The following STX8 variants were observed in gnomAD, a reference collection of about 807,000 sequenced individuals.
STX8 encodes the protein syntaxin 8, also known as syntaxin-8.
STX8 carries 23 observed loss-of-function variants against 37.5 expected under a neutral mutation model. That is an observed-to-expected ratio of 0.61 (90% CI 0.44 to 0.87). The LOEUF (loss-of-function observed/expected upper bound fraction) is 0.87. Among genes scored for constraint, STX8 ranks in the 40% least tolerant of loss-of-function variants. The probability of loss-of-function intolerance (pLI) is 0.00; values close to 1 mark genes in which losing one functional copy is unlikely to be tolerated. For missense variants in STX8, 313 were observed against 284.7 expected, an observed-to-expected ratio of 1.10 and a Z score of -0.71; for synonymous variants, 115 against 99.1, an observed-to-expected ratio of 1.16 and a Z score of -0.95.
intron 7 of STX8, among the ~76,000 whole-genome samples, chr17:9,369,043 C>T (rs760203816): frequency 6.6e-6 from 1 of 152,180 alleles, no homozygotes; most frequent in Non-Finnish European, 1.5e-5. Context: ...ATCCCAGCCT[C>T]CCAAGTAGCT....
At chr17:9,459,298 G>A (rs1905282808) in intron 6 of STX8, among the ~76,000 whole-genome samples, 2 of 152,150 alleles carry the variant, frequency 1.3e-5, no homozygotes, top group Non-Finnish European at 2.9e-5. Flanking sequence ...CTGGACGAGG[G>A]CCCCCATGGA....
At chr17:9,445,947 C>T (rs770246009) in intron 6 of STX8, among the ~76,000 whole-genome samples, 2 of 151,392 alleles carry the variant, frequency 1.3e-5, no homozygotes, top group Non-Finnish European at 2.9e-5. Context: ...ACGCCATTCC[C>T]GACTCGGCCT....
At chr17:9,310,977 G>C (rs1441375147) in intron 7 of STX8, among the ~76,000 whole-genome samples, 1 of 152,094 alleles carries the variant, frequency 6.6e-6, no homozygotes, top group African/African-American at 2.4e-5. Context: ...AATGGCTCGT[G>C]CCTGTAATCC....
At chr17:9,356,960 G>GTTTTTTTTTTTTTTTTTTTT (rs140965935) in intron 7 of STX8, among the ~76,000 whole-genome samples, 2 of 61,748 alleles carry the variant, frequency 3.2e-5, no homozygotes, top group African/African-American at 1.2e-4. Flanking sequence ...CCTTTTAACA[G>GTTTTTTTTTTTTTTTTTTTT]TTTTTTTTTT....
chr17:9,304,932 T>A (rs1026240620), intron 7 of STX8, among the ~76,000 whole-genome samples: 128 of 147,576 alleles, frequency 8.7e-4, no homozygotes, highest in African/African-American at 2.7e-3. Context: ...AAAATATGTA[T>A]ATATATATAT....
At chr17:9,550,868 A>T (rs1906733450) in intron 3 of STX8, among the ~76,000 whole-genome samples, 1 of 152,196 alleles carries the variant, frequency 6.6e-6, no homozygotes. Context: ...TGAGGTCAGG[A>T]GTTTGAGACC....
At chr17:9,325,763 C>T (rs957863730) in intron 7 of STX8, among the ~76,000 whole-genome samples, 19 of 152,344 alleles carry the variant, frequency 1.2e-4, no homozygotes, top group African/African-American at 4.1e-4. Context: ...ATTTGAGGAA[C>T]GCTTCACCAT....
intron 6 of STX8, among the ~76,000 whole-genome samples, chr17:9,389,154 G>T (rs1912118827): frequency 6.6e-6 from 1 of 152,202 alleles, no homozygotes; most frequent in Non-Finnish European, 1.5e-5. Context: ...TACTGCCACT[G>T]TTGGTTTGAT....
chr17:9,275,589 G>A (rs1269233738), intron 7 of STX8, among the ~76,000 whole-genome samples: 1 of 152,202 alleles, frequency 6.6e-6, no homozygotes, highest in Non-Finnish European at 1.5e-5. Flanking sequence ...GGGATAACAG[G>A]TTGGGCGCAG....
chr17:9,304,929 G>GAAAA (rs1567776566), intron 7 of STX8, among the ~76,000 whole-genome samples: 9 of 96,240 alleles, frequency 9.4e-5, no homozygotes, highest in African/African-American at 4.6e-4. Context: ...AAAAAAATAT[G>GAAAA]TATATATATA....
At chr17:9,287,627 G>A (rs772684134) in intron 7 of STX8, among the ~76,000 whole-genome samples, 14 of 152,156 alleles carry the variant, frequency 9.2e-5, no homozygotes, top group Non-Finnish European at 2.1e-4. Flanking sequence ...CAAAAGAAAT[G>A]CAGATAGTCC....
intron 7 of STX8, among the ~76,000 whole-genome samples, chr17:9,358,599 G>C (rs1910956899): frequency 1.3e-5 from 2 of 152,206 alleles, no homozygotes; most frequent in African/African-American, 2.4e-5. Context: ...CACACTTCCA[G>C]ATGGCCCCAT....
chr17:9,571,031 G>A (rs916265224), intron 1 of STX8, among the ~76,000 whole-genome samples: 27 of 152,140 alleles, frequency 1.8e-4, no homozygotes, highest in African/African-American at 5.8e-4. Flanking sequence ...TAAAATGGTA[G>A]AGATGAGTAG....
chr17:9,271,364 G>GT (rs1907451749), intron 7 of STX8, among the ~76,000 whole-genome samples: 1 of 152,254 alleles, frequency 6.6e-6, no homozygotes, highest in South Asian at 2.1e-4. Flanking sequence ...TGAAGGATGA[G>GT]AATCGCTTGA....
intron 7 of STX8, among the ~76,000 whole-genome samples, chr17:9,276,938 C>T (rs969263017): frequency 1.3e-5 from 2 of 149,148 alleles, no homozygotes; most frequent in African/African-American, 2.5e-5. Context: ...ACTCAGCCAC[C>T]TTTTCTTTTT....
intron 7 of STX8, among the ~76,000 whole-genome samples, chr17:9,367,567 A>T (rs555619147): frequency 6.6e-6 from 1 of 152,314 alleles, no homozygotes; most frequent in East Asian, 1.9e-4. Context: ...TAAATATCGA[A>T]AAAAGTGCTA....
intron 7 of STX8, among the ~76,000 whole-genome samples, chr17:9,289,377 G>A (rs1908222609): frequency 6.6e-6 from 1 of 152,110 alleles, no homozygotes. Flanking sequence ...ATATTAAGAA[G>A]GCCTAGCAGA....
intron 6 of STX8, among the ~76,000 whole-genome samples, chr17:9,442,059 T>C (rs894928742): frequency 1.3e-5 from 2 of 152,160 alleles, no homozygotes; most frequent in African/African-American, 2.4e-5. Context: ...AGCAGCATAC[T>C]ATTTCTGACA....
At chr17:9,470,676 T>C (rs530206244) in intron 6 of STX8, among the ~76,000 whole-genome samples, 2 of 152,330 alleles carry the variant, frequency 1.3e-5, no homozygotes, top group South Asian at 4.1e-4. Flanking sequence ...AAGTCATATT[T>C]GGTGTAGGCC....
Sources: gnomAD v4.1 joint callset for allele counts (sites outside exome capture counted in the v4.1 genomes callset) on GRCh38, gnomAD v4.1.1 for gene constraint, MANE v1.5 for transcripts, NCBI Gene and HGNC (gene_info 2026-07-23, HGNC 2026-07-21) for gene names.